Variants in GABRB3 observed in about 807,000 individuals in gnomAD.
GABRB3 encodes the protein gamma-aminobutyric acid receptor subunit beta-3.
GABRB3 carries 14 observed loss-of-function variants against 52.1 expected under a neutral mutation model. That is an observed-to-expected ratio of 0.27 (90% CI 0.18 to 0.42). The LOEUF is 0.42. Ranked by LOEUF, GABRB3 falls within the 10% of genes least tolerant of loss-of-function variation. The pLI, the probability that GABRB3 is intolerant of heterozygous loss-of-function variation, is 1.00. For missense variants in GABRB3, 307 were observed against 609.1 expected, an observed-to-expected ratio of 0.50 and a Z score of 5.22; for synonymous variants, 260 against 232.3, an observed-to-expected ratio of 1.12 and a Z score of -1.08.
intron 3 of GABRB3, among the ~76,000 whole-genome samples, chr15:26,706,114 A>C (rs556569214): frequency 6.6e-6 from 1 of 152,216 alleles, no homozygotes; most frequent in Admixed American, 6.5e-5. Context: ...TTATGCCTCA[A>C]AAAACTAAAC....
At chr15:26,733,811 C>G (rs988110622) in intron 3 of GABRB3, among the ~76,000 whole-genome samples, 2 of 152,004 alleles carry the variant, frequency 1.3e-5, no homozygotes, top group Non-Finnish European at 2.9e-5. Context: ...ATAGAGGCCT[C>G]AGAAATAAAT....
intron 3 of GABRB3, among the ~76,000 whole-genome samples, chr15:26,684,267 T>C (rs903053604): frequency 3.9e-5 from 6 of 152,136 alleles, no homozygotes; most frequent in South Asian, 4.2e-4. Flanking sequence ...GAAGAGACAA[T>C]AGGTACACCC....
chr15:26,600,952 G>C (rs1302479364), intron 4 of GABRB3, among the ~76,000 whole-genome samples: 2 of 152,106 alleles, frequency 1.3e-5, no homozygotes, highest in Non-Finnish European at 1.5e-5. Flanking sequence ...CACGAAATGA[G>C]GTAAATTCTG....
chr15:26,561,037 G>A lies in GABRB3; in HGVS notation c.975C>T (p.Ala325=), dbSNP rs1160874734. 3 of 1,613,996 alleles carry A rather than the reference G, an allele frequency of 1.9e-6. No homozygotes were observed. Among genetic ancestry groups the A allele is most frequent in the Non-Finnish European group, 2.5e-6 (3 of 1,180,036 alleles). The part of the protein sequence containing the change: ...VFVFLALLEY[A]FVNYIFFGRG... ...TTCCAAAGAAAATGTAGTTGACAAAGGCATACTCCAGAAGGGCCAGGAACA... is the reference window on the plus strand; with the variant it reads ...TTCCAAAGAAAATGTAGTTGACAAAAGCATACTCCAGAAGGGCCAGGAACA... The change falls in exon 8 of 9, where the codon GCC becomes GCT. Residue 325 remains alanine, a synonymous_variant. Transcript: ENST00000311550.
At chr15:26,590,482 T>G (rs1310586868) in intron 4 of GABRB3, among the ~76,000 whole-genome samples, 2 of 152,170 alleles carry the variant, frequency 1.3e-5, no homozygotes, top group Non-Finnish European at 2.9e-5. Flanking sequence ...CAGGATGCAC[T>G]GGCTGGTGGA....
chr15:26,771,865 C>G (rs1891154355), intron 3 of GABRB3: 1 of 152,484 alleles, frequency 6.6e-6, no homozygotes, highest in Non-Finnish European at 1.5e-5. Context: ...GCCCGGGTCT[C>G]CCAGTCCAGG....
At chr15:26,713,521 C>T (rs770840609) in intron 3 of GABRB3, among the ~76,000 whole-genome samples, 3 of 151,934 alleles carry the variant, frequency 2.0e-5, no homozygotes, top group East Asian at 1.9e-4. Flanking sequence ...AAGAGGCTAC[C>T]GGGATGATCC....
At chr15:26,624,989 G>A (rs1892635034) in intron 3 of GABRB3, 3 of 983,640 alleles carry the variant, frequency 3.0e-6, no homozygotes, top group Admixed American at 6.1e-5. Flanking sequence ...CATTTAACTA[G>A]GAGGCAGGTA....
chr15:26,679,130 C>T (rs528762680), intron 3 of GABRB3, among the ~76,000 whole-genome samples: 43 of 152,218 alleles, frequency 2.8e-4, no homozygotes, highest in African/African-American at 9.1e-4. Context: ...TTCAGTCATA[C>T]CTTATGGGAC....
rs1422352000 is a variant in GABRB3 at position 26,544,888 on chromosome 15, A to T, written c.*2905T>A. 7 of 152,736 alleles carry T rather than the reference A, an allele frequency of 4.6e-5. No individual in the cohort carries two copies. Among genetic ancestry groups the T allele is most frequent in the Non-Finnish European group, 5.9e-5 (4 of 68,018 alleles). The allele number at this position is 152,736 out of a possible 1,614,324, so 9.5% of individuals were successfully genotyped here. A position where few individuals can be genotyped will look rare whatever the true frequency, so the allele number is the denominator to read the frequency against. Reference sequence around the variant, plus strand: ...CTCAAGAGGTCTGGGTGTGGGTAACAGCCACCTCCCAACAACGTCAGAGGT... The same window carrying T: ...CTCAAGAGGTCTGGGTGTGGGTAACTGCCACCTCCCAACAACGTCAGAGGT... On this transcript the variant is annotated 3_prime_UTR_variant, in exon 9 of 9. Coordinates refer to ENST00000311550, the MANE Select transcript of GABRB3 (RefSeq NM_000814.6).
chr15:26,699,726 T>C (rs763060249), intron 3 of GABRB3, among the ~76,000 whole-genome samples: 6 of 151,896 alleles, frequency 4.0e-5, no homozygotes, highest in African/African-American at 9.7e-5. Context: ...TTTGAGGACA[T>C]TGCATTAGAA....
chr15:26,551,325 C>G (rs376234325), intron 8 of GABRB3, among the ~76,000 whole-genome samples: 5 of 152,262 alleles, frequency 3.3e-5, no homozygotes, highest in South Asian at 4.1e-4. Flanking sequence ...CAGAGAGGGG[C>G]CCCAGGGAGA....
chr15:26,676,360 T>A (rs960652329), intron 3 of GABRB3, among the ~76,000 whole-genome samples: 3 of 152,142 alleles, frequency 2.0e-5, no homozygotes, highest in Admixed American at 6.5e-5. Flanking sequence ...CTCAGGGCAT[T>A]GTCCATCAAT....
At chr15:26,632,150 T>G (rs1892929421) in intron 3 of GABRB3, among the ~76,000 whole-genome samples, 1 of 152,232 alleles carries the variant, frequency 6.6e-6, no homozygotes, top group Admixed American at 6.5e-5. Context: ...CCACGCATTC[T>G]GAAGTCCTTA....
intron 3 of GABRB3, among the ~76,000 whole-genome samples, chr15:26,769,282 CATCT>C (rs987431850): frequency 5.9e-5 from 9 of 152,180 alleles, no homozygotes; most frequent in African/African-American, 2.2e-4. Context: ...TTCAAAAATG[CATCT>C]ATCAAAACCT....
At chr15:26,554,127 G>GTA (rs1177122496) in intron 8 of GABRB3, among the ~76,000 whole-genome samples, 1,002 of 22,468 alleles carry the variant, frequency 0.045, 27 homozygotes, top group African/African-American at 0.087. Flanking sequence ...AAGTGTGTGT[G>GTA]TATATATATA....
At chr15:26,771,566 G>A (rs115130064) in intron 3 of GABRB3, among the ~76,000 whole-genome samples, 1 of 152,192 alleles carries the variant, frequency 6.6e-6, no homozygotes, top group African/African-American at 2.4e-5. Context: ...ATCCCACGGC[G>A]TTTCAGCTCA....
intron 6 of GABRB3, among the ~76,000 whole-genome samples, chr15:26,578,174 T>A (rs560455779): frequency 1.1e-4 from 16 of 152,330 alleles, no homozygotes; most frequent in African/African-American, 3.8e-4. Flanking sequence ...TTCAGAATAC[T>A]TGTGGAAAGG....
At chr15:26,586,986 G>T (rs115943224) in intron 4 of GABRB3, among the ~76,000 whole-genome samples, 2,428 of 152,258 alleles carry the variant, frequency 0.016, 61 homozygotes, top group African/African-American at 0.055. Flanking sequence ...AGAACATGGT[G>T]AATATAGTTA....
Sources: gnomAD v4.1 joint callset for allele counts (sites outside exome capture counted in the v4.1 genomes callset) on GRCh38, gnomAD v4.1.1 for gene constraint, MANE v1.5 for transcripts, NCBI Gene and HGNC (gene_info 2026-07-23, HGNC 2026-07-21) for gene names.